The following EDA variants were observed in gnomAD, a reference collection of about 807,000 sequenced individuals.
EDA encodes ectodysplasin-A.
In EDA, 2 loss-of-function variants were observed where a neutral mutation model predicts 23.6. That is an observed-to-expected ratio of 0.08 (90% CI 0.03 to 0.27). The LOEUF is 0.27. Among genes scored for constraint, EDA ranks in the 10% least tolerant of loss-of-function variants. The pLI is 1.00. For synonymous variants in EDA, 131 were observed against 132.0 expected (o/e 0.99, Z 0.05); for missense variants, 229 against 324.2 (o/e 0.71, Z 2.26).
chrX:69,830,996 G>A (rs1460637826), intron 1 of EDA, among the ~76,000 whole-genome samples: 1 of 111,274 alleles, frequency 9.0e-6, no homozygotes. Context: ...ACATATTAAA[G>A]GCAGTAAAAG....
intron 1 of EDA, among the ~76,000 whole-genome samples, chrX:69,799,587 C>T (rs1403647331): frequency 9.3e-6 from 1 of 107,014 alleles, no homozygotes; most frequent in Non-Finnish European, 1.9e-5. Flanking sequence ...TGTAAATGTC[C>T]AACAGGTGTA....
At chrX:69,884,642 T>G (rs1168302840) in intron 1 of EDA, among the ~76,000 whole-genome samples, 4 of 112,300 alleles carry the variant, frequency 3.6e-5, no homozygotes, top group Non-Finnish European at 7.5e-5. Flanking sequence ...TTATCCAGGT[T>G]GTAGTGTTAT....
chrX:69,676,530 G>A (rs1303758425), intron 1 of EDA, among the ~76,000 whole-genome samples: 1 of 110,855 alleles, frequency 9.0e-6, no homozygotes, highest in Non-Finnish European at 1.9e-5. Flanking sequence ...TTGTGTGTGT[G>A]TGTGTGTGTA....
intron 1 of EDA, among the ~76,000 whole-genome samples, chrX:69,951,978 C>CAT (rs2018934158): frequency 8.9e-6 from 1 of 112,064 alleles, no homozygotes; most frequent in African/African-American, 3.2e-5. Flanking sequence ...CTGTTTTATT[C>CAT]ATATCCTGCA....
At chrX:69,761,643 GAGTATTTTGCTTTGCT>G (rs1248429772) in intron 1 of EDA, among the ~76,000 whole-genome samples, 1 of 111,887 alleles carries the variant, frequency 8.9e-6, no homozygotes, top group African/African-American at 3.2e-5. Flanking sequence ...TTATAAACAT[GAGTATTTTGCTTTGCT>G]TTATACAATT....
intron 1 of EDA, among the ~76,000 whole-genome samples, chrX:69,954,557 A>G (rs889280003): frequency 2.0e-4 from 22 of 112,339 alleles, no homozygotes; most frequent in Non-Finnish European, 7.5e-5. Flanking sequence ...GTAAGCCCTG[A>G]ATTAAATCAC....
intron 6 of EDA, among the ~76,000 whole-genome samples, chrX:70,031,611 G>A (rs2020201376): frequency 8.9e-6 from 1 of 112,011 alleles, no homozygotes; most frequent in South Asian, 3.8e-4. Flanking sequence ...TAAGAACTCA[G>A]TCAGTCCTGA....
chrX:69,969,384 G>A (rs762368182), intron 2 of EDA, among the ~76,000 whole-genome samples: 1 of 112,212 alleles, frequency 8.9e-6, no homozygotes, highest in Non-Finnish European at 1.9e-5. Flanking sequence ...TTCAGTTATT[G>A]TAAATACAGC....
At chrX:69,815,815 A>G (rs1023535001) in intron 1 of EDA, among the ~76,000 whole-genome samples, 1 of 112,615 alleles carries the variant, frequency 8.9e-6, no homozygotes, top group South Asian at 3.6e-4. Context: ...AACACAGCAC[A>G]CTTGCATTGC....
intron 1 of EDA, among the ~76,000 whole-genome samples, chrX:69,853,820 A>G (rs1415301185): frequency 9.0e-6 from 1 of 110,755 alleles, no homozygotes; most frequent in Non-Finnish European, 1.9e-5. Context: ...GGCCATGTAC[A>G]GTCTTTGTTG....
At chrX:69,675,170 G>A (rs182412348) in intron 1 of EDA, among the ~76,000 whole-genome samples, 32 of 110,684 alleles carry the variant, frequency 2.9e-4, no homozygotes, top group Non-Finnish European at 5.7e-4. Context: ...TTGTAGAGAT[G>A]AGGTGTTGCT....
intron 1 of EDA, among the ~76,000 whole-genome samples, chrX:69,752,532 A>C (rs2013924453): frequency 9.0e-6 from 1 of 111,651 alleles, no homozygotes; most frequent in African/African-American, 3.3e-5. Flanking sequence ...ATTTGTCTAA[A>C]ATTCTCTTTC....
intron 1 of EDA, among the ~76,000 whole-genome samples, chrX:69,745,375 A>T (rs988421965): frequency 8.9e-6 from 1 of 111,776 alleles, no homozygotes; most frequent in African/African-American, 3.3e-5. Context: ...AACCTTTGGT[A>T]AAAAGGTAGT....
intron 1 of EDA, among the ~76,000 whole-genome samples, chrX:69,702,273 T>C (rs1322291864): frequency 1.8e-5 from 2 of 110,075 alleles, no homozygotes; most frequent in African/African-American, 6.6e-5. Flanking sequence ...AAGCCGGAAG[T>C]GGTTCTTGCC....
rs1335456646 is a variant in EDA, at chrX:69,749,919, GTTCTTT to G, written c.396+133218_396+133223del. On this transcript the variant is annotated intron_variant, in intron 1 of 7. Coordinates refer to ENST00000374552, the MANE Select transcript of EDA (RefSeq NM_001399.5). ...TTTTTAGAAACTTCCTCTCACTAAGGTTCTTTTTTTTTTTTTTTTTTTTTTTTTTTG... is the reference window on the plus strand; with the variant it reads ...TTTTTAGAAACTTCCTCTCACTAAGGTTTTTTTTTTTTTTTTTTTTTTTTG... Among the ~76,000 whole-genome samples the G allele has an allele frequency of 1.4e-3, 68 of 48,602 alleles. 1 individual carries two copies. The Middle Eastern group carries it at 0.034, about 24-fold the overall frequency. The allele number at this position is 48,602 out of a possible 115,157, so 42.2% of individuals were successfully genotyped here.
chrX:69,941,748 G>T lies in EDA; in HGVS notation c.397-15279G>T, dbSNP rs779945679. ...TCCACTTAGCCACTCTATGTTTTTT[G>T]ATTGAAGATTTTAGTCCATTTACAC... On this transcript the variant is annotated intron_variant, in intron 1 of 7. Coordinates refer to ENST00000374552, the MANE Select transcript of EDA (RefSeq NM_001399.5). Among the ~76,000 whole-genome samples, 7 of 111,000 alleles carry T rather than the reference G, an allele frequency of 6.3e-5. No individual in the cohort carries two copies. The East Asian group carries it at 2.0e-3, about 31-fold the overall frequency.
intron 1 of EDA, among the ~76,000 whole-genome samples, chrX:69,788,425 A>G (rs986904504): frequency 9.0e-6 from 1 of 111,072 alleles, no homozygotes; most frequent in Admixed American, 9.5e-5. Flanking sequence ...TTGTGGTTTT[A>G]TCTACTTTTG....
intron 1 of EDA, among the ~76,000 whole-genome samples, chrX:69,915,875 C>G (rs943008320): frequency 9.0e-6 from 1 of 111,559 alleles, no homozygotes; most frequent in Non-Finnish European, 1.9e-5. Context: ...GCAGAGAAAA[C>G]CCTCCAGATT....
chrX:69,961,236 A>C (rs766804152), intron 2 of EDA, among the ~76,000 whole-genome samples: 1 of 111,155 alleles, frequency 9.0e-6, no homozygotes, highest in East Asian at 2.8e-4. Flanking sequence ...CAGCCTCCCA[A>C]AGTGCTGGGA....
Sources: gnomAD v4.1 joint callset for allele counts (sites outside exome capture counted in the v4.1 genomes callset) on GRCh38, gnomAD v4.1.1 for gene constraint, MANE v1.5 for transcripts, NCBI Gene and HGNC (gene_info 2026-07-23, HGNC 2026-07-21) for gene names.